GLI2: variants seen among roughly 807,000 people sequenced by gnomAD.
GLI2 encodes the protein GLI family zinc finger 2, also known as transcription activator GLI2.
A neutral mutation model predicts 78.9 loss-of-function variants in GLI2; 22 were observed. That is an observed-to-expected ratio of 0.28 (90% CI 0.20 to 0.40). The LOEUF (loss-of-function observed/expected upper bound fraction) is 0.40. Among genes scored for constraint, GLI2 ranks in the 10% least tolerant of loss-of-function variants. The pLI is 1.00. For missense variants in GLI2, 2,097 were observed against 2,213.2 expected (o/e 0.95, Z 1.05); for synonymous variants, 974 against 963.7 (o/e 1.01, Z -0.20).
intron 2 of GLI2, among the ~76,000 whole-genome samples, chr2:120,830,936 T>C (rs1445300461): frequency 6.6e-6 from 1 of 152,030 alleles, no homozygotes; most frequent in Non-Finnish European, 1.5e-5. Context: ...CTGTGTCTTC[T>C]GTCTCTGTGT....
chr2:120,867,490 G>A (rs545758359), intron 2 of GLI2: 4 of 152,328 alleles, frequency 2.6e-5, no homozygotes, highest in African/African-American at 7.2e-5. Context: ...GCTCCAGCCC[G>A]GCGGTCCACC....
At chr2:120,946,457 G>A (rs1008345896) in intron 3 of GLI2, among the ~76,000 whole-genome samples, 1 of 152,174 alleles carries the variant, frequency 6.6e-6, no homozygotes, top group East Asian at 1.9e-4. Context: ...AGGAGACTGT[G>A]ACCATCTTTT....
chr2:120,871,824 G>A (rs1359406328), intron 2 of GLI2, among the ~76,000 whole-genome samples: 1 of 152,186 alleles, frequency 6.6e-6, no homozygotes, highest in Non-Finnish European at 1.5e-5. Flanking sequence ...ATGAGTTATT[G>A]TTGGAGACTT....
chr2:120,961,440 C>T (rs1681552693), intron 5 of GLI2, among the ~76,000 whole-genome samples: 1 of 152,198 alleles, frequency 6.6e-6, no homozygotes, highest in Non-Finnish European at 1.5e-5. Flanking sequence ...CTGCTGTGTA[C>T]AGGCACGGGC....
rs191820165 is a variant in GLI2 at position 120,780,554 on chromosome 2, T to G, written c.-30-16737T>G. Among the ~76,000 whole-genome samples, 78 of 152,322 alleles carry G rather than the reference T, an allele frequency of 5.1e-4. 1 individual carries two copies. Among genetic ancestry groups the G allele is most frequent in the African/African-American group, 1.8e-3 (74 of 41,588 alleles). On this transcript the variant is annotated intron_variant, in intron 1 of 13. Coordinates refer to ENST00000361492, the MANE Select transcript of GLI2 (RefSeq NM_001374353.1). ...CCCTTCCCAGCAGGAGGAGGGAGTT[T>G]CCAGCAGGCAGAGTGGTGTGGGATG...
intron 10 of GLI2, among the ~76,000 whole-genome samples, chr2:120,980,655 G>A (rs1402263682): frequency 6.6e-6 from 1 of 151,942 alleles, no homozygotes; most frequent in Non-Finnish European, 1.5e-5. Context: ...TTTTTTAATT[G>A]CTTGTGCTTT....
intron 3 of GLI2, among the ~76,000 whole-genome samples, chr2:120,941,951 C>T (rs1428839825): frequency 1.3e-5 from 2 of 152,172 alleles, no homozygotes; most frequent in South Asian, 2.1e-4. Context: ...GGGATGGGAA[C>T]GCAGGACTCA....
intron 2 of GLI2, among the ~76,000 whole-genome samples, chr2:120,924,560 C>CAG (rs1679566878): frequency 6.6e-6 from 1 of 151,858 alleles, no homozygotes; most frequent in Non-Finnish European, 1.5e-5. Context: ...CACACACACA[C>CAG]ACATACACAC....
chr2:120,882,902 A>G (rs1308774726), intron 2 of GLI2, among the ~76,000 whole-genome samples: 1 of 152,146 alleles, frequency 6.6e-6, no homozygotes, highest in Admixed American at 6.5e-5. Flanking sequence ...TAACAAATGT[A>G]TACGGTTGTG....
At chr2:120,744,191 G>C (rs1558776506) in intron 1 of GLI2, among the ~76,000 whole-genome samples, 2 of 152,224 alleles carry the variant, frequency 1.3e-5, no homozygotes, top group Non-Finnish European at 2.9e-5. Context: ...TCAAAAAATT[G>C]AGGTCGTTGC....
At chr2:120,909,643 A>G (rs1558874813) in intron 2 of GLI2, among the ~76,000 whole-genome samples, 1 of 152,194 alleles carries the variant, frequency 6.6e-6, no homozygotes, top group Non-Finnish European at 1.5e-5. Context: ...AGGCAGGCAG[A>G]TCACGAGGTC....
Position 120,984,790 on chromosome 2 carries a change from G to T in GLI2, c.1905+47G>T, listed in dbSNP as rs200290221. 4.8e-5 allele frequency: 77 copies of T among 1,597,236 alleles called. No homozygotes were observed. In the East Asian group the frequency reaches 1.5e-3, roughly 32 times the overall value. ...AGCCACGCAAGGCGACTCCATAGCCGTGCCCAGGGCCACCCCTTGCCACGG... is the reference window on the plus strand; with the variant it reads ...AGCCACGCAAGGCGACTCCATAGCCTTGCCCAGGGCCACCCCTTGCCACGG... On this transcript the variant is annotated intron_variant, in intron 12 of 13. Transcript: ENST00000361492.
intron 10 of GLI2, among the ~76,000 whole-genome samples, chr2:120,979,121 G>T (rs1421049035): frequency 6.6e-6 from 1 of 152,096 alleles, no homozygotes; most frequent in Non-Finnish European, 1.5e-5. Context: ...GGGACTACAG[G>T]TACATGCCAC....
In GLI2 at chr2:120,898,473, GTCTT is replaced by G. The variant is rs139865678; in HGVS notation, c.149-28881_149-28878del. The stretch of plus-strand genomic sequence containing the variant: ...ATTCGCACTGAATTGGGGTGCGTTT[GTCTT>G]TCTTTCCAGCTCGGAGTGCAGAGCC... On this transcript the variant is annotated intron_variant, in intron 2 of 13. Coordinates refer to ENST00000361492, the MANE Select transcript of GLI2 (RefSeq NM_001374353.1). Among the ~76,000 whole-genome samples the G allele has an allele frequency of 3.2e-4, 48 of 152,276 alleles. No homozygotes were observed. In the East Asian group the frequency reaches 7.0e-3, roughly 22 times the overall value.
chr2:120,886,197 TGTGTGTGTGTGTGC>T (rs1343198730), intron 2 of GLI2, among the ~76,000 whole-genome samples: 2,317 of 40,670 alleles, frequency 0.057, 93 homozygotes, highest in African/African-American at 0.28. Flanking sequence ...TGTGTGTGTG[TGTGTGTGTGTGTGC>T]GTGTATATTT....
At chr2:120,770,046 CAG>C (rs1683478790) in intron 1 of GLI2, among the ~76,000 whole-genome samples, 1 of 152,142 alleles carries the variant, frequency 6.6e-6, no homozygotes, top group Non-Finnish European at 1.5e-5. Flanking sequence ...GCCTGGTGCT[CAG>C]TTCTCCTGGC....
rs139473153 is a variant in GLI2 at position 120,951,303 on chromosome 2, G to T, written c.315G>T (p.Pro105=). The T allele has an allele frequency of 8.7e-6, 14 of 1,610,432 alleles. No individual in the cohort carries two copies. The highest frequency in any genetic ancestry group is 2.2e-5 in the East Asian group (1 of 44,862). The part of the protein sequence containing the change: ...ISDISLIRLS[P]HPAGPGESPF... ...ACATCTCCTTGATCCGGCTTTCCCCGCACCCGGCTGGCCCTGGGGAGTCCC... is the reference window on the plus strand; with the variant it reads ...ACATCTCCTTGATCCGGCTTTCCCCTCACCCGGCTGGCCCTGGGGAGTCCC... The change falls in exon 4 of 14, where the codon CCG becomes CCT. Residue 105 remains proline, a synonymous_variant. Transcript: ENST00000361492.
chr2:120,784,567 G>T (rs1221955435), intron 1 of GLI2, among the ~76,000 whole-genome samples: 1 of 152,082 alleles, frequency 6.6e-6, no homozygotes, highest in Non-Finnish European at 1.5e-5. Flanking sequence ...ATGTCATTCT[G>T]CAGACAGTGG....
At chr2:120,857,343 G>GCCCACCCACCCACCCA (rs749893552) in intron 2 of GLI2, among the ~76,000 whole-genome samples, 2 of 99,628 alleles carry the variant, frequency 2.0e-5, no homozygotes, top group East Asian at 3.3e-4. Context: ...CTACCCATCT[G>GCCCACCCACCCACCCA]CCCACCCACC....
Sources: gnomAD v4.1 joint callset for allele counts (sites outside exome capture counted in the v4.1 genomes callset) on GRCh38, gnomAD v4.1.1 for gene constraint, MANE v1.5 for transcripts, NCBI Gene and HGNC (gene_info 2026-07-23, HGNC 2026-07-21) for gene names.